The following GBE1 variants were observed in gnomAD, a reference collection of about 807,000 sequenced individuals.
GBE1 encodes 1,4-alpha-glucan branching enzyme 1, also known as 1,4-alpha-glucan-branching enzyme.
In GBE1, 70 loss-of-function variants were observed where a neutral mutation model predicts 88.8. The observed-to-expected ratio is 0.79, with a 90% CI of 0.65 to 0.96. GBE1 has a LOEUF of 0.96. GBE1 is among the 40% of genes least tolerant of loss of function. The probability of loss-of-function intolerance (pLI) is 0.00; values close to 1 mark genes in which losing one functional copy is unlikely to be tolerated. For synonymous variants in GBE1, 284 were observed against 300.1 expected (o/e 0.95, Z 0.56); for missense variants, 872 against 871.0 (o/e 1.00, Z -0.01).
At chr3:81,760,353 CT>C (rs1706661960) in intron 1 of GBE1, among the ~76,000 whole-genome samples, 1 of 152,170 alleles carries the variant, frequency 6.6e-6, no homozygotes, top group African/African-American at 2.4e-5. Flanking sequence ...ATTTGCTGGG[CT>C]TTTTTCAAAC....
Position 81,506,766 on chromosome 3 carries a change from C to A in GBE1, c.1935-7539G>T, listed in dbSNP as rs190497058. Among the ~76,000 whole-genome samples, 17 of 152,248 alleles carry A rather than the reference C, an allele frequency of 1.1e-4. 1 individual carries two copies. In the East Asian group the frequency reaches 3.3e-3, roughly 29 times the overall value. Reference sequence around the variant, plus strand: ...AAAAAGCATGAGATCATGTTCTTTGCAGGGACATGAATGGAGCTGGAGGCC... The same window carrying A: ...AAAAAGCATGAGATCATGTTCTTTGAAGGGACATGAATGGAGCTGGAGGCC... On this transcript the variant is annotated intron_variant, in intron 14 of 15. Coordinates refer to ENST00000429644, the MANE Select transcript of GBE1 (RefSeq NM_000158.4).
At chr3:81,603,344 A>T (rs1704058362) in intron 7 of GBE1, among the ~76,000 whole-genome samples, 1 of 152,156 alleles carries the variant, frequency 6.6e-6, no homozygotes, top group Non-Finnish European at 1.5e-5. Context: ...TATATAATGA[A>T]ATAACACTGA....
chr3:81,712,672 T>G (rs986392092), intron 1 of GBE1, among the ~76,000 whole-genome samples: 9 of 151,948 alleles, frequency 5.9e-5, no homozygotes, highest in African/African-American at 2.2e-4. Flanking sequence ...GGGGGAGGGA[T>G]AGCATTAGGA....
chr3:81,518,580 G>T (rs114129981), intron 14 of GBE1, among the ~76,000 whole-genome samples: 220 of 151,440 alleles, frequency 1.5e-3, no homozygotes, highest in African/African-American at 5.1e-3. Flanking sequence ...TGACCAGGGA[G>T]GTGAGGGTAC....
At chr3:81,608,892 G>C (rs1314344846) in intron 7 of GBE1, among the ~76,000 whole-genome samples, 7 of 152,094 alleles carry the variant, frequency 4.6e-5, no homozygotes, top group African/African-American at 1.7e-4. Context: ...ATTAACAGGA[G>C]AAAAGCATAC....
intron 12 of GBE1, among the ~76,000 whole-genome samples, chr3:81,573,070 A>T (rs1703596243): frequency 6.6e-6 from 1 of 152,034 alleles, no homozygotes; most frequent in Admixed American, 6.6e-5. Flanking sequence ...AACACGAAGC[A>T]TACTTAGCCA....
At chr3:81,527,202 C>T (rs571959712) in intron 14 of GBE1, among the ~76,000 whole-genome samples, 5 of 152,146 alleles carry the variant, frequency 3.3e-5, no homozygotes, top group African/African-American at 1.2e-4. Flanking sequence ...TTCCTTACGC[C>T]TTATATTAAA....
intron 14 of GBE1, among the ~76,000 whole-genome samples, chr3:81,514,559 T>C (rs1702769260): frequency 6.6e-6 from 1 of 151,628 alleles, no homozygotes; most frequent in East Asian, 1.9e-4. Context: ...TGATTACAAC[T>C]GAATCCACTG....
At chr3:81,686,899 G>A (rs1248900473) in intron 2 of GBE1, among the ~76,000 whole-genome samples, 6 of 152,002 alleles carry the variant, frequency 3.9e-5, no homozygotes, top group Non-Finnish European at 5.9e-5. Flanking sequence ...TGTCTATATA[G>A]TATAAAATAT....
At chr3:81,629,017 AGTTTT>A (rs1704463211) in intron 7 of GBE1, among the ~76,000 whole-genome samples, 1 of 86,246 alleles carries the variant, frequency 1.2e-5, no homozygotes, top group Admixed American at 1.1e-4. Context: ...ATTATGTTTA[AGTTTT>A]TTTTTTTTTT....
At chr3:81,661,779 AAC>A (rs767455479) in intron 3 of GBE1, among the ~76,000 whole-genome samples, 5 of 152,196 alleles carry the variant, frequency 3.3e-5, no homozygotes, top group Non-Finnish European at 5.9e-5. Context: ...GTGTTCCAGT[AAC>A]AAAATGATAG....
chr3:81,564,270 GA>G (rs1703461131), intron 12 of GBE1, among the ~76,000 whole-genome samples: 1 of 152,034 alleles, frequency 6.6e-6, no homozygotes, highest in Admixed American at 6.6e-5. Context: ...GAAAAACAGA[GA>G]ATATCTGCAC....
chr3:81,575,505 CAAAT>C (rs1185992001), intron 12 of GBE1, among the ~76,000 whole-genome samples: 1 of 152,056 alleles, frequency 6.6e-6, no homozygotes, highest in African/African-American at 2.4e-5. Flanking sequence ...GAATGCCTGA[CAAAT>C]AAATTTACGT....
chr3:81,493,724 C>G (rs1210517327), intron 15 of GBE1, among the ~76,000 whole-genome samples: 2 of 151,720 alleles, frequency 1.3e-5, no homozygotes, highest in African/African-American at 4.8e-5. Flanking sequence ...TTAGTAGACA[C>G]GGGGTTTCTC....
intron 6 of GBE1, among the ~76,000 whole-genome samples, chr3:81,643,255 T>C (rs1377111938): frequency 2.0e-5 from 3 of 152,148 alleles, no homozygotes; most frequent in Non-Finnish European, 4.4e-5. Context: ...ATGTAAATAA[T>C]AAAACTCTGC....
intron 7 of GBE1, among the ~76,000 whole-genome samples, chr3:81,611,234 G>A (rs920831440): frequency 2.0e-5 from 3 of 152,150 alleles, no homozygotes; most frequent in African/African-American, 7.2e-5. Flanking sequence ...ATGCATTCCT[G>A]TACTGGGCAA....
chr3:81,570,166 G>A lies in GBE1; in HGVS notation c.1618+7759C>T, dbSNP rs569558691. Reference sequence around the variant, plus strand: ...TATTAATTTTCAGACTAAAATATACGGTCACTAGGTGTTTCTTTTACAGTG... The same window carrying A: ...TATTAATTTTCAGACTAAAATATACAGTCACTAGGTGTTTCTTTTACAGTG... On this transcript the variant is annotated intron_variant, in intron 12 of 15. Transcript: ENST00000429644. Among the ~76,000 whole-genome samples the A allele has an allele frequency of 4.6e-5, 7 of 152,058 alleles. 1 individual carries two copies. The South Asian group carries it at 8.3e-4, about 18-fold the overall frequency.
intron 2 of GBE1, among the ~76,000 whole-genome samples, chr3:81,687,090 AGGAG>A (rs1705453174): frequency 6.6e-6 from 1 of 152,252 alleles, no homozygotes; most frequent in East Asian, 1.9e-4. Flanking sequence ...AATCAGATCC[AGGAG>A]TGGATCTTTA....
rs1019614660 is a variant in GBE1 at position 81,594,430 on chromosome 3, T to C, written c.993-407A>G. 3.3e-5 allele frequency among the ~76,000 whole-genome samples: 5 copies of C among 152,116 alleles called. No individual in the cohort carries two copies. The South Asian group carries it at 1.0e-3, about 31-fold the overall frequency. On this transcript the variant is annotated intron_variant, in intron 7 of 15. Transcript: ENST00000429644. ...TGAATTTTTAAAAAGGATTTTCATG[T>C]AATATAACCATAATTATGTGATTTT...
Sources: gnomAD v4.1 joint callset for allele counts (sites outside exome capture counted in the v4.1 genomes callset) on GRCh38, gnomAD v4.1.1 for gene constraint, MANE v1.5 for transcripts, NCBI Gene and HGNC (gene_info 2026-07-23, HGNC 2026-07-21) for gene names.